HGS: variants seen among roughly 807,000 people sequenced by gnomAD.
HGS encodes the protein hepatocyte growth factor-regulated tyrosine kinase substrate.
Under a neutral mutation model 109.7 loss-of-function variants are expected in HGS, and 63 were observed. That is an observed-to-expected ratio of 0.57 (90% CI 0.47 to 0.71). HGS has a LOEUF of 0.71. Among genes scored for constraint, HGS ranks in the 30% least tolerant of loss-of-function variants. The pLI is 0.00. For missense variants in HGS, 995 were observed against 1,068.3 expected, an observed-to-expected ratio of 0.93 and a Z score of 0.96; for synonymous variants, 546 against 437.3, an observed-to-expected ratio of 1.25 and a Z score of -3.10.
rs951211211 is a variant in HGS at position 81,690,752 on chromosome 17, C to T, written c.537+10C>T. On this transcript the variant is annotated intron_variant, in intron 7 of 21. Transcript: ENST00000329138. ...GGTGATGACCCGTAAGGTGAGTTCC[C>T]ACCTGGGGGGCTCTACAGCCCCGGC... is the stretch of plus-strand genomic sequence containing the variant. 6.2e-7 allele frequency: 1 copy of T among 1,611,004 alleles called. No homozygotes were observed. Among genetic ancestry groups the T allele is most frequent in the Non-Finnish European group, 8.5e-7 (1 of 1,178,724 alleles).
intron 4 of HGS, among the ~76,000 whole-genome samples, chr17:81,688,337 C>T (rs1342353631): frequency 6.6e-6 from 1 of 152,204 alleles, no homozygotes; most frequent in East Asian, 1.9e-4. Flanking sequence ...CCCGCAGTAC[C>T]CCTGTGTTCT....
chr17:81,686,940 C>T (rs1382080117), intron 3 of HGS, 63 bp from the exon 4 acceptor site: 35 of 1,377,804 alleles, frequency 2.5e-5, no homozygotes, highest in Admixed American at 1.9e-5. Context: ...TGGGTCTGTC[C>T]GGGAGGAGGA....
Position 81,701,888 on chromosome 17 carries a change from C to A in HGS, c.*270C>A. The stretch of plus-strand genomic sequence containing the variant: ...AGCCCCCAGCCCTGTGGGTCATGGT[C>A]TGTGAGAGGTGGCAGGAATGGGGAC... On this transcript the variant is annotated 3_prime_UTR_variant, in exon 22 of 22. Transcript: ENST00000329138. The A allele has an allele frequency of 2.7e-6, 1 of 372,806 alleles. No homozygotes were observed. The highest frequency in any genetic ancestry group is 4.7e-6 in the Non-Finnish European group (1 of 210,686). The allele number at this position is 372,806 out of a possible 1,614,324, so 23.1% of individuals were successfully genotyped here. A position where few individuals can be genotyped will look rare whatever the true frequency, so the allele number is the denominator to read the frequency against.
chr17:81,691,687 C>T lies in HGS; in HGVS notation c.662+116C>T, dbSNP rs2037065437. On this transcript the variant is annotated intron_variant, in intron 8 of 21. Coordinates refer to ENST00000329138, the MANE Select transcript of HGS (RefSeq NM_004712.5). The surrounding 1 kb of genome is among the most constrained non-coding windows in gnomAD (Gnocchi z 5.3). ...CAGACCCCAGAGGACCCTCACAGCA[C>T]AGCAGCTGGAAGGTCAAGGGAAACC... 9.5e-6 allele frequency: 13 copies of T among 1,369,214 alleles called. No individual in the cohort carries two copies. Among genetic ancestry groups the T allele is most frequent in the Admixed American group, 8.9e-5 (5 of 55,908 alleles). The allele number at this position is 1,369,214 out of a possible 1,614,324, so 84.8% of individuals were successfully genotyped here. A position where few individuals can be genotyped will look rare whatever the true frequency, so the allele number is the denominator to read the frequency against.
chr17:81,691,995 C>T lies in HGS; in HGVS notation c.662+424C>T. 1 of 190,038 alleles carries T rather than the reference C, an allele frequency of 5.3e-6. No individual in the cohort carries two copies. The highest frequency in any genetic ancestry group is 1.1e-5 in the Non-Finnish European group (1 of 89,936). 11.8% of individuals were successfully genotyped at this position (190,038 alleles called of 1,614,324 possible). Reference sequence around the variant, plus strand: ...TGTTTTGTCGCAGAGTTTACTCTGCCTCCCCTCTCCTGCGCGTGCGTGTGT... The same window carrying T: ...TGTTTTGTCGCAGAGTTTACTCTGCTTCCCCTCTCCTGCGCGTGCGTGTGT... On this transcript the variant is annotated intron_variant, in intron 8 of 21. Transcript: ENST00000329138. The surrounding 1 kb of genome is among the most constrained non-coding windows in gnomAD (Gnocchi z 5.3).
At chr17:81,695,248 C>T (rs1180678395) in intron 14 of HGS, 25 bp downstream of exon 14, 1 of 1,611,258 alleles carries the variant, frequency 6.2e-7, no homozygotes, top group Non-Finnish European at 8.5e-7. Context: ...CCTCCACGGG[C>T]CAGGGCAAAA....
chr17:81,697,067 A>AAGCAG, intron 18 of HGS, 69 bp downstream of exon 18: 1 of 1,456,844 alleles, frequency 6.9e-7, no homozygotes, highest in Non-Finnish European at 9.2e-7. Context: ...ATTTACAGAA[A>AAGCAG]AGCAGTAAGA....
chr17:81,694,859 G>A lies in HGS; in HGVS notation c.975+6G>A, dbSNP rs200433566. ...CTGAGGACATCGACCCTGAGGTAAG[G>A]CCCAGCATGGGGTGCATCCTCTCAC... is the stretch of plus-strand genomic sequence containing the variant. On this transcript the variant is annotated splice_donor_region_variant and intron_variant, in intron 12 of 21. Transcript: ENST00000329138. 85 of 1,614,250 alleles carry A rather than the reference G, an allele frequency of 5.3e-5. 1 individual carries two copies. In the East Asian group the frequency reaches 1.8e-3, roughly 35 times the overall value.
At chr17:81,688,564 GC>G in intron 4 of HGS, 139 bp from the exon 5 acceptor site, 1 of 1,009,526 alleles carries the variant, frequency 9.9e-7, no homozygotes, top group Non-Finnish European at 1.5e-6. Flanking sequence ...TGGCCCCCAC[GC>G]CCCACTCGGG....
At chr17:81,699,967 C>T (rs1373514361) in intron 18 of HGS, among the ~76,000 whole-genome samples, 2 of 151,816 alleles carry the variant, frequency 1.3e-5, no homozygotes, top group African/African-American at 4.8e-5. Flanking sequence ...CCCAGCTGCT[C>T]GGGAGGCTGA....
At chr17:81,689,752 G>A (rs945029045) in intron 5 of HGS, among the ~76,000 whole-genome samples, 1 of 152,196 alleles carries the variant, frequency 6.6e-6, no homozygotes, top group South Asian at 2.1e-4. Context: ...TTGGGGTGGT[G>A]GATGCTGGTG....
chr17:81,688,969 G>T, intron 5 of HGS, 142 bp downstream of exon 5: 1 of 1,171,082 alleles, frequency 8.5e-7, no homozygotes, highest in Admixed American at 2.1e-5. Context: ...TGGAGCCAGG[G>T]AAGACCGTGC....
chr17:81,694,977 C>T lies in HGS; in HGVS notation c.1029C>T (p.Arg343=). ...GGGAGAAGAAGCAGGAGGAGGCTCG[C>T]AAGAGCCCCACGCCATCTGCGCCCG... is the stretch of plus-strand genomic sequence containing the variant. ...NYWEKKQEEA[R]KSPTPSAPVP... is the part of the protein sequence containing the mutation. The change falls in exon 13 of 22, where the codon CGC becomes CGT. Residue 343 remains arginine, a synonymous_variant. Transcript: ENST00000329138. 6.2e-7 allele frequency: 1 copy of T among 1,614,138 alleles called. No homozygotes were observed. Among genetic ancestry groups the T allele is most frequent in the African/African-American group, 1.3e-5 (1 of 75,068 alleles).
chr17:81,701,463 T>C (rs1453488574), intron 21 of HGS, 45 bp from the exon 22 acceptor site: 3 of 1,515,992 alleles, frequency 2.0e-6, no homozygotes, highest in Non-Finnish European at 2.7e-6. Flanking sequence ...CTCCCTGGGC[T>C]GGGGAAGGGA....
At position 81,695,080 on chromosome 17, in the gene HGS, C is replaced by G; in HGVS notation, c.1119+13C>G. Reference sequence around the variant, plus strand: ...CAACGTGGTGGAGGTGAGGGGGCCACTCCCGGCATTCCTAGTGGCAGGGTC... The same window carrying G: ...CAACGTGGTGGAGGTGAGGGGGCCAGTCCCGGCATTCCTAGTGGCAGGGTC... On this transcript the variant is annotated intron_variant, in intron 13 of 21. Transcript: ENST00000329138. The G allele has an allele frequency of 6.2e-7, 1 of 1,612,404 alleles. No individual in the cohort carries two copies. The highest frequency in any genetic ancestry group is 8.5e-7 in the Non-Finnish European group (1 of 1,178,718).
rs756909575 is a variant in HGS at position 81,693,933 on chromosome 17, C to T, written c.904C>T (p.Pro302Ser). ...GCCCATGCCCTCGGCCTCCTCAGCG[C>T]CCCCCGCCAGCAGCCTGTACTCTTC... ...AEPMPSASSA[P>S]PASSLYSSPV... Residue 302 changes from proline (P) to serine (S), a missense_variant, in exon 11 of 22, where the codon CCC becomes TCC. Transcript: ENST00000329138. 10 of 1,610,906 alleles carry T rather than the reference C, an allele frequency of 6.2e-6. No individual in the cohort carries two copies. Among genetic ancestry groups the T allele is most frequent in the Non-Finnish European group, 8.5e-6 (10 of 1,179,626 alleles).
chr17:81,684,850 C>T (rs1033672060), intron 1 of HGS: 1 of 967,740 alleles, frequency 1.0e-6, no homozygotes, highest in African/African-American at 1.8e-5. Flanking sequence ...ACCTTCCTTG[C>T]CAAGGGAACC....
At chr17:81,698,623 A>G (rs1880058648) in intron 18 of HGS, among the ~76,000 whole-genome samples, 1 of 152,118 alleles carries the variant, frequency 6.6e-6, no homozygotes, top group Non-Finnish European at 1.5e-5. Context: ...GGTGGTCTGG[A>G]TCTTGGTTAG....
Position 81,696,838 on chromosome 17 carries a change from C to T in HGS, c.1722C>T (p.Pro574=), listed in dbSNP as rs111381172. The T allele has an allele frequency of 2.4e-5, 38 of 1,609,968 alleles. No individual in the cohort carries two copies. In the African/African-American group the frequency reaches 2.9e-4, roughly 12 times the overall value. The change falls in exon 18 of 22, where the codon CCC becomes CCT. Residue 574 remains proline (P), a synonymous_variant. Coordinates refer to ENST00000329138, the MANE Select transcript of HGS (RefSeq NM_004712.5). ...TTTGTCCCCAGCTCCAGGCCATGCC[C>T]GCAGCCGGAGGTGTGCTCTACCAGC... is the stretch of plus-strand genomic sequence containing the variant. ...PLPYAQLQAM[P]AAGGVLYQPS... is the part of the protein sequence containing the mutation.
Sources: gnomAD v4.1 joint callset for allele counts (sites outside exome capture counted in the v4.1 genomes callset) on GRCh38, gnomAD v4.1.1 for gene constraint, Gnocchi (gnomAD v3.1) non-coding constraint, MANE v1.5 for transcripts, NCBI Gene and HGNC (gene_info 2026-07-23, HGNC 2026-07-21) for gene names.